The following PPARD variants were observed in gnomAD, a reference collection of about 807,000 sequenced individuals.
PPARD encodes peroxisome proliferator-activated receptor delta.
In PPARD, 6 loss-of-function variants were observed where a neutral mutation model predicts 39.5. The ratio of observed to expected loss-of-function variants is 0.15; its 90% confidence interval spans 0.08 to 0.30. PPARD has a LOEUF of 0.30. PPARD is among the 10% of genes least tolerant of loss of function. The pLI, the probability that PPARD is intolerant of heterozygous loss-of-function variation, is 1.00. For synonymous variants in PPARD, 210 were observed against 231.3 expected, an observed-to-expected ratio of 0.91 and a Z score of 0.83; for missense variants, 397 against 596.8, an observed-to-expected ratio of 0.67 and a Z score of 3.49.
intron 2 of PPARD, among the ~76,000 whole-genome samples, chr6:35,387,321 T>C (rs1763731044): frequency 6.6e-6 from 1 of 152,310 alleles, no homozygotes; most frequent in Admixed American, 6.5e-5. Flanking sequence ...AAGCTGCCCA[T>C]GGTTTACCCT....
At chr6:35,420,001 G>C in intron 3 of PPARD, 126 bp from the exon 4 acceptor site, 2 of 1,173,722 alleles carry the variant, frequency 1.7e-6, no homozygotes, top group Non-Finnish European at 1.2e-6. Flanking sequence ...CTGGTCCTCA[G>C]AAAGGTTGAC....
At position 35,363,791 on chromosome 6, in the gene PPARD, G is replaced by A. The variant is rs1458958532; in HGVS notation, c.-102+16641G>A. ...TGCCTGAGCCACAGGCAGAATGTGA[G>A]CAGTTTATTTTATTTTATATTCTAC... On this transcript the variant is annotated intron_variant, in intron 2 of 7. Coordinates refer to ENST00000360694, the MANE Select transcript of PPARD (RefSeq NM_006238.5). This position sits in a 1 kb window ranked among gnomAD's most constrained non-coding sequence, Gnocchi z 4.5. Among the ~76,000 whole-genome samples the A allele has an allele frequency of 1.3e-5, 2 of 152,174 alleles. No homozygotes were observed.
At chr6:35,369,922 T>C (rs1056142696) in intron 2 of PPARD, among the ~76,000 whole-genome samples, 1 of 152,200 alleles carries the variant, frequency 6.6e-6, no homozygotes, top group Non-Finnish European at 1.5e-5. Flanking sequence ...TGGTAGGTAT[T>C]CAGTTTTTAA....
chr6:35,424,303 G>A lies in PPARD; in HGVS notation c.628-26G>A. ...ACAGGGTGGGGGTCTCCCGAGGCCT[G>A]ATCTCTAACGGGGCCTGGTTTTCAG... is the stretch of plus-strand genomic sequence containing the variant. On this transcript the variant is annotated intron_variant, in intron 6 of 7. Coordinates refer to ENST00000360694, the MANE Select transcript of PPARD (RefSeq NM_006238.5). The surrounding 1 kb of genome is among the most constrained non-coding windows in gnomAD (Gnocchi z 7.1). 1.9e-6 allele frequency: 3 copies of A among 1,606,738 alleles called. No homozygotes were observed. The highest frequency in any genetic ancestry group is 2.6e-6 in the Non-Finnish European group (3 of 1,174,420).
Position 35,376,483 on chromosome 6 carries a change from G to T in PPARD, c.-102+29333G>T, listed in dbSNP as rs1262119708. 3.3e-5 allele frequency among the ~76,000 whole-genome samples: 5 copies of T among 152,004 alleles called. No individual in the cohort carries two copies. The East Asian group carries it at 9.7e-4, about 29-fold the overall frequency. Reference sequence around the variant, plus strand: ...GCCCCTCTTGGTGGTTTATTTCCTTGTGTGGTTTGTAACTTTGGGTGTGAG... The same window carrying T: ...GCCCCTCTTGGTGGTTTATTTCCTTTTGTGGTTTGTAACTTTGGGTGTGAG... On this transcript the variant is annotated intron_variant, in intron 2 of 7. Coordinates refer to ENST00000360694, the MANE Select transcript of PPARD (RefSeq NM_006238.5).
intron 2 of PPARD, among the ~76,000 whole-genome samples, chr6:35,360,150 C>T (rs1223886428): frequency 6.6e-6 from 1 of 152,154 alleles, no homozygotes; most frequent in Non-Finnish European, 1.5e-5. Context: ...TGCATACTGG[C>T]TCCCTGGATC....
intron 2 of PPARD, among the ~76,000 whole-genome samples, chr6:35,387,587 A>G (rs1282317895): frequency 1.3e-5 from 2 of 148,734 alleles, no homozygotes; most frequent in Non-Finnish European, 3.0e-5. Flanking sequence ...GTGTGTTTTT[A>G]TCCTCATCCT....
At chr6:35,362,494 A>G (rs1172572235) in intron 2 of PPARD, among the ~76,000 whole-genome samples, 3 of 150,566 alleles carry the variant, frequency 2.0e-5, no homozygotes, top group Non-Finnish European at 4.4e-5. Context: ...TACCACCTCC[A>G]GTCTGAAGGT....
At chr6:35,417,817 A>G (rs1765877160) in intron 3 of PPARD, among the ~76,000 whole-genome samples, 1 of 152,244 alleles carries the variant, frequency 6.6e-6, no homozygotes, top group African/African-American at 2.4e-5. Context: ...GGCGTGAGCC[A>G]CCACACCCAG....
intron 2 of PPARD, among the ~76,000 whole-genome samples, chr6:35,394,551 A>G (rs1392665706): frequency 6.6e-6 from 1 of 152,124 alleles, no homozygotes; most frequent in Non-Finnish European, 1.5e-5. Flanking sequence ...CAGGCAGATC[A>G]CCTGAGGTCA....
chr6:35,409,429 C>T (rs923019521), intron 2 of PPARD, among the ~76,000 whole-genome samples: 1 of 151,770 alleles, frequency 6.6e-6, no homozygotes, highest in African/African-American at 2.4e-5. Context: ...CCCTTGAGCA[C>T]GGGAGATAAA....
At position 35,414,578 on chromosome 6, in the gene PPARD, C is replaced by A. The variant is rs567422722; in HGVS notation, c.130+3361C>A. Among the ~76,000 whole-genome samples the A allele has an allele frequency of 2.2e-4, 34 of 152,256 alleles. No homozygotes were observed. In the South Asian group the frequency reaches 6.4e-3, roughly 29 times the overall value. On this transcript the variant is annotated intron_variant, in intron 3 of 7. Transcript: ENST00000360694. ...CCAGGTCTGTCACTGTGAGCTGTAG[C>A]CCTCGCCAGTGCCATCACTTCTCCA...
In PPARD at chr6:35,425,755, C is replaced by G; in HGVS notation, c.1079-77C>G. 2 of 1,571,402 alleles carry G rather than the reference C, an allele frequency of 1.3e-6. No individual in the cohort carries two copies. The highest frequency in any genetic ancestry group is 1.7e-6 in the Non-Finnish European group (2 of 1,160,868). On this transcript the variant is annotated intron_variant, in intron 7 of 7. Coordinates refer to ENST00000360694, the MANE Select transcript of PPARD (RefSeq NM_006238.5). This position sits in a 1 kb window ranked among gnomAD's most constrained non-coding sequence, Gnocchi z 4.5. The stretch of plus-strand genomic sequence containing the variant: ...CAAGGAGGCCTGCCGTCCCCTGGGC[C>G]AAGTCACCTCTTGGGGTGGAAGTAG...
intron 2 of PPARD, among the ~76,000 whole-genome samples, chr6:35,410,684 C>T (rs1185247116): frequency 1.3e-5 from 2 of 152,180 alleles, no homozygotes; most frequent in Non-Finnish European, 2.9e-5. Context: ...TTCCTGGAGA[C>T]TCAGAACAGA....
chr6:35,348,189 T>G (rs1199851496), intron 2 of PPARD, among the ~76,000 whole-genome samples: 1 of 152,202 alleles, frequency 6.6e-6, no homozygotes, highest in Non-Finnish European at 1.5e-5. Context: ...ATTACAGATG[T>G]GAGCCACTGT....
chr6:35,351,377 T>C (rs1322506566), intron 2 of PPARD, among the ~76,000 whole-genome samples: 1 of 152,210 alleles, frequency 6.6e-6, no homozygotes, highest in East Asian at 1.9e-4. Flanking sequence ...TTTACCATGT[T>C]AGAAGTTATA....
At chr6:35,410,347 G>A (rs2267669) in intron 2 of PPARD, among the ~76,000 whole-genome samples, 129,521 of 152,214 alleles carry the variant, frequency 0.85, 55,246 homozygotes, top group African/African-American at 0.89. Flanking sequence ...TGATGTGGAC[G>A]TGGCATCACC....
At chr6:35,400,816 G>T (rs1324073881) in intron 2 of PPARD, among the ~76,000 whole-genome samples, 1 of 151,656 alleles carries the variant, frequency 6.6e-6, no homozygotes, top group African/African-American at 2.4e-5. Flanking sequence ...AAAAAGAAAA[G>T]AAAAAGGTAT....
intron 2 of PPARD, among the ~76,000 whole-genome samples, chr6:35,370,921 T>C (rs1762450844): frequency 2.0e-5 from 3 of 152,226 alleles, no homozygotes; most frequent in Admixed American, 1.3e-4. Context: ...CTCCAGCAGC[T>C]GGCTGCTCAT....
Sources: gnomAD v4.1 joint callset for allele counts (sites outside exome capture counted in the v4.1 genomes callset) on GRCh38, gnomAD v4.1.1 for gene constraint, Gnocchi (gnomAD v3.1) non-coding constraint, MANE v1.5 for transcripts, NCBI Gene and HGNC (gene_info 2026-07-23, HGNC 2026-07-21) for gene names.